MTG1: variants seen among roughly 807,000 people sequenced by gnomAD.
The protein encoded by MTG1 is mitochondrial ribosome-associated GTPase 1.
Under a neutral mutation model 39.5 loss-of-function variants are expected in MTG1, and 30 were observed. That is an observed-to-expected ratio of 0.76 (90% confidence interval 0.57 to 1.03). The LOEUF is 1.03. MTG1 is among the 50% of genes least tolerant of loss of function. The pLI, the probability that MTG1 is intolerant of heterozygous loss-of-function variation, is 0.00. For synonymous variants in MTG1, 217 were observed against 179.0 expected, an observed-to-expected ratio of 1.21 and a Z score of -1.69; for missense variants, 513 against 447.4, an observed-to-expected ratio of 1.15 and a Z score of -1.32.
At chr10:133,415,172 G>A (rs1434445100) in intron 9 of MTG1, among the ~76,000 whole-genome samples, 2 of 152,154 alleles carry the variant, frequency 1.3e-5, no homozygotes, top group Non-Finnish European at 2.9e-5. Flanking sequence ...GAGGGAGAGG[G>A]AGACCGTGGA....
chr10:133,394,971 G>A (rs1324722799), intron 1 of MTG1, among the ~76,000 whole-genome samples: 2 of 152,178 alleles, frequency 1.3e-5, no homozygotes, highest in East Asian at 1.9e-4. Context: ...AACACTGGAG[G>A]GGAAGAAAGC....
rs1197397951 is a variant in MTG1, at chr10:133,402,748, A to G, written c.727A>G (p.Thr243Ala). The G allele has an allele frequency of 6.2e-7, 1 of 1,606,838 alleles. No individual in the cohort carries two copies. Among genetic ancestry groups the G allele is most frequent in the African/African-American group, 1.3e-5 (1 of 74,734 alleles). ...GACCATGGCTGACTACCTGCTGTAC[A>G]CCCTCAACAAACACCAGCGCTTTGG... ...EETMADYLLY[T>A]LNKHQRFGYV... Residue 243 changes from threonine (T) to alanine (A), a missense_variant, in exon 9 of 11, where the codon ACC becomes GCC. Thr to Ala is a moderately conservative substitution (Grantham distance 58). Transcript: ENST00000317502. The surrounding 1 kb of genome is among the most constrained non-coding windows in gnomAD (Gnocchi z 4.7).
At chr10:133,407,943 T>C (rs1035184536) in intron 9 of MTG1, among the ~76,000 whole-genome samples, 1 of 152,208 alleles carries the variant, frequency 6.6e-6, no homozygotes, top group Non-Finnish European at 1.5e-5. Context: ...ACTGAAACCT[T>C]TTTATCAGTT....
At position 133,396,286 on chromosome 10, in the gene MTG1, G is replaced by A; in HGVS notation, c.282+19G>A. The A allele has an allele frequency of 6.3e-7, 1 of 1,597,240 alleles. No homozygotes were observed. Among genetic ancestry groups the A allele is most frequent in the Non-Finnish European group, 8.6e-7 (1 of 1,165,028 alleles). On this transcript the variant is annotated intron_variant, in intron 3 of 10. Transcript: ENST00000317502. ...GCAGCAGGTAAAGGCCTTTCTCTCA[G>A]ACGCCTTCAGCAGTGTGGCTGTGTT... is the stretch of plus-strand genomic sequence containing the variant.
chr10:133,402,117 G>A lies in MTG1; in HGVS notation c.574-32G>A, dbSNP rs745379970. The A allele has an allele frequency of 4.6e-5, 75 of 1,613,208 alleles. No homozygotes were observed. Among genetic ancestry groups the A allele is most frequent in the African/African-American group, 1.5e-4 (11 of 74,892 alleles). The stretch of plus-strand genomic sequence containing the variant: ...CCCACCTGGGTGGGAGGCTGCCACC[G>A]CGGCCTGATCATGCCCTCTGTGCCC... On this transcript the variant is annotated intron_variant, in intron 7 of 10. Coordinates refer to ENST00000317502, the MANE Select transcript of MTG1 (RefSeq NM_138384.4). The surrounding 1 kb of genome is among the most constrained non-coding windows in gnomAD (Gnocchi z 4.7).
intron 10 of MTG1, among the ~76,000 whole-genome samples, chr10:133,419,816 T>C (rs1421611718): frequency 6.6e-6 from 1 of 152,180 alleles, no homozygotes; most frequent in Non-Finnish European, 1.5e-5. Context: ...TATTGGGCAG[T>C]GCTAGGTGGA....
rs367631025 is a variant in MTG1 at position 133,401,467 on chromosome 10, A to G, written c.512-62A>G. On this transcript the variant is annotated intron_variant, in intron 6 of 10. Coordinates refer to ENST00000317502, the MANE Select transcript of MTG1 (RefSeq NM_138384.4). ...ATGTGTTTGTTACATACGTCTCCCT[A>G]CTTGTTCTGCAGCTTCTGTGTTTAG... 1,137 of 1,417,412 alleles carry G rather than the reference A, an allele frequency of 8.0e-4. 1 individual carries two copies. Among genetic ancestry groups the G allele is most frequent in the Non-Finnish European group, 1.0e-3 (1,076 of 1,043,876 alleles). The allele number at this position is 1,417,412 out of a possible 1,614,324, so 87.8% of individuals were successfully genotyped here.
At chr10:133,401,890 C>T (rs987326128) in intron 7 of MTG1, 8 of 600,910 alleles carry the variant, frequency 1.3e-5, no homozygotes, top group African/African-American at 9.3e-5. Context: ...GCCCCACCCT[C>T]CACTCCCTTC....
chr10:133,394,835 C>T (rs961679631), intron 1 of MTG1: 3 of 747,934 alleles, frequency 4.0e-6, no homozygotes, highest in African/African-American at 3.8e-5. Context: ...AAGAAGACCT[C>T]TGGGGCCAGC....
At position 133,422,058 on chromosome 10, in the gene MTG1, C is replaced by T. The variant is rs1196606661; in HGVS notation, c.*1893C>T. The T allele has an allele frequency of 1.3e-5, 2 of 153,118 alleles. No homozygotes were observed. Among genetic ancestry groups the T allele is most frequent in the African/African-American group, 2.4e-5 (1 of 41,460 alleles). The allele number at this position is 153,118 out of a possible 1,614,324, so 9.5% of individuals were successfully genotyped here. On this transcript the variant is annotated 3_prime_UTR_variant, in exon 11 of 11. Transcript: ENST00000317502. Reference sequence around the variant, plus strand: ...AGGGCTGGTCTTAACACAGGTGTGTCCAGTGCTGGAGGCAAGTCCTTGTCG... The same window carrying T: ...AGGGCTGGTCTTAACACAGGTGTGTTCAGTGCTGGAGGCAAGTCCTTGTCG...
At chr10:133,394,670 C>T (rs1403283508) in intron 1 of MTG1, 7 of 1,155,254 alleles carry the variant, frequency 6.1e-6, no homozygotes, top group African/African-American at 1.6e-5. Flanking sequence ...GCCTCCGTTT[C>T]CACATGTTCT....
intron 9 of MTG1, among the ~76,000 whole-genome samples, chr10:133,404,893 G>C (rs1020572402): frequency 6.6e-6 from 1 of 152,204 alleles, no homozygotes; most frequent in Non-Finnish European, 1.5e-5. Context: ...TCACTTTTCT[G>C]TGTGACCGAC....
Position 133,396,474 on chromosome 10 carries a change from A to C in MTG1, c.282+207A>C, listed in dbSNP as rs377190979. Among the ~76,000 whole-genome samples, 5 of 152,282 alleles carry C rather than the reference A, an allele frequency of 3.3e-5. No individual in the cohort carries two copies. The East Asian group carries it at 5.8e-4, about 18-fold the overall frequency. On this transcript the variant is annotated intron_variant, in intron 3 of 10. Transcript: ENST00000317502. ...CTAATGTGTGGTTCGTGACCTGGAC[A>C]CCCAGGGAGTGCACGTCTCCTGTGG...
chr10:133,394,574 C>T (rs968880480), intron 1 of MTG1: 2 of 1,326,862 alleles, frequency 1.5e-6, no homozygotes, highest in Non-Finnish European at 1.9e-6. Context: ...GCCTCGGACC[C>T]AGGGCCTGCT....
intron 9 of MTG1, among the ~76,000 whole-genome samples, chr10:133,418,337 T>A (rs1292297284): frequency 6.6e-6 from 1 of 152,208 alleles, no homozygotes; most frequent in Non-Finnish European, 1.5e-5. Flanking sequence ...TTCACCTTGT[T>A]AGGTGATGGA....
rs185925452 is a variant in MTG1 at position 133,419,849 on chromosome 10, G to C, written c.866-177G>C. ...GGACACCTGCAGGCCTCACATGCCT[G>C]GCCTTGGAGGCTCCGGGCAGCGTAG... On this transcript the variant is annotated intron_variant, in intron 10 of 10. Coordinates refer to ENST00000317502, the MANE Select transcript of MTG1 (RefSeq NM_138384.4). Among the ~76,000 whole-genome samples, 27 of 152,308 alleles carry C rather than the reference G, an allele frequency of 1.8e-4. No homozygotes were observed. In the East Asian group the frequency reaches 4.4e-3, roughly 25 times the overall value.
chr10:133,401,895 C>T (rs911714793), intron 7 of MTG1: 2 of 591,720 alleles, frequency 3.4e-6, no homozygotes, highest in Non-Finnish European at 6.0e-6. Flanking sequence ...ACCCTCCACT[C>T]CCTTCCTTGT....
intron 9 of MTG1, among the ~76,000 whole-genome samples, chr10:133,405,412 C>G (rs1464189840): frequency 2.0e-5 from 3 of 152,186 alleles, no homozygotes; most frequent in Non-Finnish European, 1.5e-5. Context: ...TTGAATTGCT[C>G]TCTTCTGGTA....
chr10:133,405,142 C>CT (rs1319924385), intron 9 of MTG1, among the ~76,000 whole-genome samples: 5 of 152,212 alleles, frequency 3.3e-5, no homozygotes, highest in African/African-American at 1.2e-4. Context: ...CACTGAGTCT[C>CT]TGACCCGTGA....
Sources: gnomAD v4.1 joint callset for allele counts (sites outside exome capture counted in the v4.1 genomes callset) on GRCh38, gnomAD v4.1.1 for gene constraint, Gnocchi (gnomAD v3.1) non-coding constraint, MANE v1.5 for transcripts, NCBI Gene and HGNC (gene_info 2026-07-23, HGNC 2026-07-21) for gene names.